Variants in ZBTB20 observed in about 807,000 individuals in gnomAD.
ZBTB20 encodes the protein zinc finger and BTB domain containing 20.
ZBTB20 carries 9 observed loss-of-function variants against 56.9 expected under a neutral mutation model. The observed-to-expected ratio is 0.16, with a 90% CI of 0.10 to 0.28. ZBTB20 has a LOEUF of 0.28. Ranked by LOEUF, ZBTB20 falls within the 10% of genes least tolerant of loss-of-function variation. The pLI is 1.00. For missense variants in ZBTB20, 655 were observed against 1,003.0 expected (o/e 0.65, Z 4.69); for synonymous variants, 417 against 420.7 (o/e 0.99, Z 0.11).
intron 5 of ZBTB20, among the ~76,000 whole-genome samples, chr3:114,756,237 C>T (rs2068002121): frequency 6.6e-6 from 1 of 152,180 alleles, no homozygotes; most frequent in South Asian, 2.1e-4. Context: ...AAAATAAAAA[C>T]TAACCACCTA....
At chr3:114,647,183 C>T (rs1219829746) in intron 6 of ZBTB20, among the ~76,000 whole-genome samples, 2 of 152,158 alleles carry the variant, frequency 1.3e-5, no homozygotes, top group African/African-American at 4.8e-5. Flanking sequence ...TGGTCTCGAT[C>T]TCCTGACCTT....
intron 6 of ZBTB20, among the ~76,000 whole-genome samples, chr3:114,657,158 A>G (rs2060458964): frequency 6.6e-6 from 1 of 152,146 alleles, no homozygotes; most frequent in Admixed American, 6.5e-5. Context: ...ATCTTTCTCT[A>G]ATGCAATGCA....
At chr3:114,708,067 C>A (rs2063825582) in intron 5 of ZBTB20, among the ~76,000 whole-genome samples, 1 of 152,086 alleles carries the variant, frequency 6.6e-6, no homozygotes, top group African/African-American at 2.4e-5. Flanking sequence ...TTTTTTCTTT[C>A]TTTTTGTTAT....
chr3:114,537,771 T>C (rs532029272), intron 6 of ZBTB20, among the ~76,000 whole-genome samples: 1 of 152,038 alleles, frequency 6.6e-6, no homozygotes, highest in East Asian at 1.9e-4. Context: ...ATAAAGAAAA[T>C]GTGGCATATA....
intron 3 of ZBTB20, among the ~76,000 whole-genome samples, chr3:114,935,609 G>A (rs1201292101): frequency 6.6e-6 from 1 of 152,158 alleles, no homozygotes; most frequent in Non-Finnish European, 1.5e-5. Flanking sequence ...AATGTATGAA[G>A]AAGCATGTTT....
intron 2 of ZBTB20, among the ~76,000 whole-genome samples, chr3:115,022,254 A>G (rs56396687): frequency 0.05 from 7,527 of 151,050 alleles, 631 homozygotes; most frequent in African/African-American, 0.17. Context: ...ATATAAAAAG[A>G]CTCAAGTTGA....
intron 2 of ZBTB20, among the ~76,000 whole-genome samples, chr3:115,068,070 TG>T (rs201042590): frequency 0.02 from 2,970 of 152,188 alleles, 37 homozygotes; most frequent in South Asian, 0.032. Context: ...CTGAATATCA[TG>T]TTGACTGACA....
At chr3:114,814,278 A>G (rs1201963309) in intron 4 of ZBTB20, among the ~76,000 whole-genome samples, 1 of 149,308 alleles carries the variant, frequency 6.7e-6, no homozygotes, top group Non-Finnish European at 1.5e-5. Context: ...ATATTTATAT[A>G]AATATATTTA....
At chr3:114,738,329 T>C (rs1446522563) in intron 5 of ZBTB20, among the ~76,000 whole-genome samples, 3 of 152,250 alleles carry the variant, frequency 2.0e-5, no homozygotes, top group Admixed American at 6.5e-5. Flanking sequence ...TGCTGCTTAA[T>C]ATTATAATTA....
intron 7 of ZBTB20, among the ~76,000 whole-genome samples, chr3:114,457,582 T>A (rs2092096568): frequency 6.6e-6 from 1 of 152,190 alleles, no homozygotes; most frequent in African/African-American, 2.4e-5. Context: ...TATTTCTTTG[T>A]TCCCAGATTT....
chr3:115,130,032 T>C (rs1428647723), intron 1 of ZBTB20, among the ~76,000 whole-genome samples: 1 of 152,232 alleles, frequency 6.6e-6, no homozygotes, highest in Non-Finnish European at 1.5e-5. Context: ...AGATTTTCAT[T>C]ATCATCACTG....
At chr3:114,434,389 A>G (rs1388148645) in intron 7 of ZBTB20, among the ~76,000 whole-genome samples, 2 of 152,124 alleles carry the variant, frequency 1.3e-5, no homozygotes, top group African/African-American at 2.4e-5. Context: ...TAGGATCCAT[A>G]TAAGATCGTA....
intron 3 of ZBTB20, among the ~76,000 whole-genome samples, chr3:114,965,500 CT>C (rs2077614369): frequency 6.6e-6 from 1 of 152,222 alleles, no homozygotes; most frequent in East Asian, 1.9e-4. Context: ...ATGAGCTTGA[CT>C]TTTTTAGATT....
At chr3:114,498,101 T>C (rs139848269) in intron 7 of ZBTB20, among the ~76,000 whole-genome samples, 1 of 152,348 alleles carries the variant, frequency 6.6e-6, no homozygotes, top group Non-Finnish European at 1.5e-5. Flanking sequence ...GATATTGTCC[T>C]GAGAATAAAT....
Position 114,319,060 on chromosome 3 carries a change from A to C in ZBTB20, c.*19945T>G, listed in dbSNP as rs1224371097. ...AACAATTACAAAAAACAACAATATAATCCCAACTTTTAACACGCATCTTGA... is the reference window on the plus strand; with the variant it reads ...AACAATTACAAAAAACAACAATATACTCCCAACTTTTAACACGCATCTTGA... On this transcript the variant is annotated 3_prime_UTR_variant, in exon 12 of 12. Coordinates refer to ENST00000675478, the MANE Select transcript of ZBTB20 (RefSeq NM_001348800.3). 1.3e-5 allele frequency: 2 copies of C among 152,150 alleles called. No homozygotes were observed. The highest frequency in any genetic ancestry group is 1.3e-4 in the Admixed American group (2 of 15,274). The allele number at this position is 152,150 out of a possible 1,614,324, so 9.4% of individuals were successfully genotyped here.
At chr3:114,972,326 T>C (rs2077917957) in intron 3 of ZBTB20, among the ~76,000 whole-genome samples, 1 of 152,144 alleles carries the variant, frequency 6.6e-6, no homozygotes, top group Non-Finnish European at 1.5e-5. Flanking sequence ...CCTCATTTGG[T>C]TGGCAGCTTT....
At chr3:114,859,601 A>G (rs564273086) in intron 4 of ZBTB20, among the ~76,000 whole-genome samples, 3 of 132,402 alleles carry the variant, frequency 2.3e-5, no homozygotes, top group South Asian at 4.8e-4. Context: ...GAGTTTATAG[A>G]TATCTTTCAG....
At chr3:114,469,151 G>A (rs114651819) in intron 7 of ZBTB20, among the ~76,000 whole-genome samples, 2,009 of 151,892 alleles carry the variant, frequency 0.013, 46 homozygotes, top group Middle Eastern at 0.048. Flanking sequence ...GCTAGATGCA[G>A]CTCATAGGCC....
intron 6 of ZBTB20, among the ~76,000 whole-genome samples, chr3:114,560,009 T>C (rs2051802311): frequency 2.6e-5 from 4 of 152,146 alleles, no homozygotes; most frequent in Admixed American, 2.6e-4. Flanking sequence ...ATGAAAAAAA[T>C]ATATAATTCT....
Sources: allele counts gnomAD v4.1 joint callset (sites outside exome capture counted in the v4.1 genomes callset), GRCh38; gene constraint gnomAD v4.1.1; transcripts MANE v1.5; gene names NCBI Gene and HGNC (gene_info 2026-07-23, HGNC 2026-07-21).